HIVEP2: variants seen among roughly 807,000 people sequenced by gnomAD.
HIVEP2 encodes transcription factor HIVEP2.
A neutral mutation model predicts 180.7 loss-of-function variants in HIVEP2; 14 were observed. The ratio of observed to expected loss-of-function variants is 0.08; its 90% CI spans 0.05 to 0.12. The LOEUF is 0.12. Among genes scored for constraint, HIVEP2 ranks in the 10% least tolerant of loss-of-function variants. The pLI is 1.00. For synonymous variants in HIVEP2, 1,184 were observed against 1,136.4 expected (o/e 1.04, Z -0.84); for missense variants, 2,579 against 3,008.5 (o/e 0.86, Z 3.34).
At chr6:142,818,592 C>A (rs559261614) in intron 2 of HIVEP2, among the ~76,000 whole-genome samples, 197 of 150,260 alleles carry the variant, frequency 1.3e-3, no homozygotes, top group African/African-American at 4.6e-3. Context: ...TCTCTTGAAC[C>A]CAGGAGGTGG....
chr6:142,926,616 C>A (rs1461294333), intron 1 of HIVEP2, among the ~76,000 whole-genome samples: 1 of 152,230 alleles, frequency 6.6e-6, no homozygotes, highest in Admixed American at 6.5e-5. Flanking sequence ...CCCCGGTGCT[C>A]CGGGCCCACC....
intron 1 of HIVEP2, among the ~76,000 whole-genome samples, chr6:142,868,454 T>C (rs1357528281): frequency 6.6e-6 from 1 of 152,206 alleles, no homozygotes; most frequent in Admixed American, 6.6e-5. Context: ...TAACCAAGTA[T>C]GTCTATTTGT....
chr6:142,770,827 C>G lies in HIVEP2; in HGVS notation c.3912G>C (p.Lys1304Asn). 1 of 1,614,204 alleles carries G rather than the reference C, an allele frequency of 6.2e-7. No individual in the cohort carries two copies. Among genetic ancestry groups the G allele is most frequent in the Non-Finnish European group, 8.5e-7 (1 of 1,180,032 alleles). Reference sequence around the variant, plus strand: ...CCTGCTCAGAGGGCGTTTCAGTTGACTTACTGCTCTGGTCTGATGGAAACT... The same window carrying G: ...CCTGCTCAGAGGGCGTTTCAGTTGAGTTACTGCTCTGGTCTGATGGAAACT... ...LPKFPSDQSSKSTETPSEQVL... is the reference protein window; with the variant it reads ...LPKFPSDQSSNSTETPSEQVL... The change falls in exon 5 of 10, where the codon AAG (lysine) becomes AAC (asparagine). Residue 1304 changes from lysine to asparagine, a missense_variant. By Grantham distance (94) the Lys-to-Asn change is moderately conservative (BLOSUM62 0). Around this residue, in one of 11 missense-constraint regions of HIVEP2, gnomAD observed 523 missense variants for 577.0 expected, o/e 0.91. Coordinates refer to ENST00000367603, the MANE Select transcript of HIVEP2 (RefSeq NM_006734.4). This position sits in a 1 kb window ranked among gnomAD's most constrained non-coding sequence, Gnocchi z 4.7.
rs140019886 is a variant in HIVEP2 at position 142,926,929 on chromosome 6, C to T, written c.-641+18170G>A. On this transcript the variant is annotated intron_variant, in intron 1 of 9. Transcript: ENST00000367603. ...GTGCAGCTGAGCCCTGCGGAGACGT[C>T]ATTGCATTCATGCTCCCTCGGGTGT... Among the ~76,000 whole-genome samples, 675 of 152,166 alleles carry T rather than the reference C, an allele frequency of 4.4e-3. 4 individuals are homozygous for T. Among genetic ancestry groups the T allele is most frequent in the African/African-American group, 0.015 (642 of 41,548 alleles).
At chr6:142,784,603 A>T (rs910885036) in intron 2 of HIVEP2, among the ~76,000 whole-genome samples, 3 of 152,204 alleles carry the variant, frequency 2.0e-5, no homozygotes, top group Non-Finnish European at 4.4e-5. Context: ...TGAAGCAAGA[A>T]CCACGTCAGT....
At chr6:142,932,835 T>G (rs920249062) in intron 1 of HIVEP2, among the ~76,000 whole-genome samples, 3 of 152,264 alleles carry the variant, frequency 2.0e-5, no homozygotes, top group Admixed American at 2.0e-4. Flanking sequence ...AGAGATTAAA[T>G]GATGCCTCCA....
At chr6:142,765,118 GAAATTTATGCAGT>G in intron 6 of HIVEP2, 144 bp from the exon 7 acceptor site, 1 of 679,078 alleles carries the variant, frequency 1.5e-6, no homozygotes, top group Non-Finnish European at 2.3e-6. Flanking sequence ...CGAAGCCTGT[GAAATTTATGCAGT>G]AAATGGCTGA....
At position 142,860,475 on chromosome 6, in the gene HIVEP2, C is replaced by T. The variant is rs192338907; in HGVS notation, c.-640-23428G>A. 1.3e-3 allele frequency among the ~76,000 whole-genome samples: 201 copies of T among 152,160 alleles called. 3 individuals carry two copies. Among genetic ancestry groups the T allele is most frequent in the Admixed American group, 0.013 (200 of 15,280 alleles). On this transcript the variant is annotated intron_variant, in intron 1 of 9. Coordinates refer to ENST00000367603, the MANE Select transcript of HIVEP2 (RefSeq NM_006734.4). ...GTACACTTTATTTCTATTATTAGTACACTGTAATAATGAAATAATTTTACA... is the reference window on the plus strand; with the variant it reads ...GTACACTTTATTTCTATTATTAGTATACTGTAATAATGAAATAATTTTACA...
chr6:142,754,556 C>A (rs1214890708), intron 9 of HIVEP2, among the ~76,000 whole-genome samples: 2 of 152,162 alleles, frequency 1.3e-5, no homozygotes, highest in African/African-American at 4.8e-5. Context: ...AAGAGATACT[C>A]AATGCAGAAG....
At chr6:142,846,802 A>G (rs554632779) in intron 1 of HIVEP2, among the ~76,000 whole-genome samples, 3 of 152,276 alleles carry the variant, frequency 2.0e-5, no homozygotes, top group African/African-American at 4.8e-5. Context: ...ATCAAAAACA[A>G]ACTAAGGAAA....
At position 142,945,158 on chromosome 6, in the gene HIVEP2, G is replaced by C. The variant is rs1333634368; in HGVS notation, c.-700C>G. On this transcript the variant is annotated 5_prime_UTR_variant, in exon 1 of 10. Coordinates refer to ENST00000367603, the MANE Select transcript of HIVEP2 (RefSeq NM_006734.4). This position sits in a 1 kb window ranked among gnomAD's most constrained non-coding sequence, Gnocchi z 5.5. ...AGCGGTGGCCGGGCCGTGCGCGCCG[G>C]TGCACGTCGCTCATTAGTAAGCAGG... is the stretch of plus-strand genomic sequence containing the variant. The C allele has an allele frequency of 6.7e-6, 1 of 150,324 alleles. No individual in the cohort carries two copies. The highest frequency in any genetic ancestry group is 1.5e-5 in the Non-Finnish European group (1 of 67,558). 9.3% of individuals were successfully genotyped at this position (150,324 alleles called of 1,614,324 possible).
intron 1 of HIVEP2, among the ~76,000 whole-genome samples, chr6:142,932,241 C>G (rs940182232): frequency 2.0e-5 from 3 of 152,154 alleles, no homozygotes; most frequent in Non-Finnish European, 4.4e-5. Context: ...TATTTATACT[C>G]TACTTCATAT....
chr6:142,829,022 A>G (rs1195161424), intron 2 of HIVEP2, among the ~76,000 whole-genome samples: 1 of 151,996 alleles, frequency 6.6e-6, no homozygotes, highest in African/African-American at 2.4e-5. Flanking sequence ...ACTACCTCTT[A>G]TGGAGACTAT....
At chr6:142,758,304 G>C (rs1219744193) in intron 9 of HIVEP2, among the ~76,000 whole-genome samples, 2 of 152,210 alleles carry the variant, frequency 1.3e-5, no homozygotes, top group Non-Finnish European at 1.5e-5. Context: ...GTTGGTACCA[G>C]ACTTGTGAAA....
chr6:142,759,310 A>AG (rs1369536126), intron 9 of HIVEP2, among the ~76,000 whole-genome samples: 3 of 152,142 alleles, frequency 2.0e-5, no homozygotes, highest in Non-Finnish European at 2.9e-5. Context: ...CTCAAAAAAA[A>AG]TAAATAAAAT....
At chr6:142,804,501 G>A (rs1287730456) in intron 2 of HIVEP2, among the ~76,000 whole-genome samples, 2 of 151,842 alleles carry the variant, frequency 1.3e-5, no homozygotes, top group African/African-American at 2.4e-5. Context: ...GTGCCCAAAA[G>A]CCAACTGAAG....
At chr6:142,818,790 A>AAAG (rs1205323346) in intron 2 of HIVEP2, among the ~76,000 whole-genome samples, 1 of 138,112 alleles carries the variant, frequency 7.2e-6, no homozygotes, top group African/African-American at 3.1e-5. Context: ...AGAAAGAAAG[A>AAAG]AAAAGAAAAG....
intron 5 of HIVEP2, 135 bp from the exon 6 acceptor site, chr6:142,768,671 A>G: frequency 1.3e-6 from 1 of 747,404 alleles, no homozygotes; most frequent in East Asian, 2.8e-5. Flanking sequence ...TATATAAAAT[A>G]AGGACCACTA....
chr6:142,769,495 G>T, intron 5 of HIVEP2, 57 bp downstream of exon 5: 2 of 1,440,198 alleles, frequency 1.4e-6, no homozygotes, highest in Non-Finnish European at 1.9e-6. Context: ...TCACTATGTA[G>T]TCTGCTCAGC....
Sources: gnomAD v4.1 joint callset for allele counts (sites outside exome capture counted in the v4.1 genomes callset) on GRCh38, gnomAD v4.1.1 for gene constraint, gnomAD v4.1.1 regional missense constraint, Gnocchi (gnomAD v3.1) non-coding constraint, MANE v1.5 for transcripts, NCBI Gene and HGNC (gene_info 2026-07-23, HGNC 2026-07-21) for gene names.